KNL1: variants seen among roughly 807,000 people sequenced by gnomAD.
The protein encoded by KNL1 is outer kinetochore KNL1 complex subunit KNL1.
A neutral mutation model predicts 201.3 loss-of-function variants in KNL1; 66 were observed. The observed-to-expected ratio is 0.33, with a 90% CI of 0.27 to 0.40. The LOEUF (loss-of-function observed/expected upper bound fraction) is 0.40. Among genes scored for constraint, KNL1 ranks in the 10% least tolerant of loss-of-function variants. The pLI, the probability that KNL1 is intolerant of heterozygous loss-of-function variation, is 1.00. For missense variants in KNL1, 2,815 were observed against 2,690.5 expected, an observed-to-expected ratio of 1.05 and a Z score of -1.02; for synonymous variants, 895 against 899.2, an observed-to-expected ratio of 1.00 and a Z score of 0.08.
rs989748588 is a variant in KNL1, at chr15:40,647,348, G to A, written c.6094+274G>A. Among the ~76,000 whole-genome samples, 21 of 151,948 alleles carry A rather than the reference G, an allele frequency of 1.4e-4. 2 individuals are homozygous for A. Among genetic ancestry groups the A allele is most frequent in the East Asian group, 1.2e-3 (6 of 5,168 alleles). On this transcript the variant is annotated intron_variant, in intron 17 of 25. Transcript: ENST00000399668. ...AAATTAGCTGGGCGTGGTGACGGGC[G>A]CCTGTACTCCAGCTACTCGGGAGGC... is the stretch of plus-strand genomic sequence containing the variant.
At chr15:40,647,108 T>C in intron 17 of KNL1, 34 bp downstream of exon 17, 1 of 1,066,678 alleles carries the variant, frequency 9.4e-7, no homozygotes, top group Non-Finnish European at 1.5e-6. Flanking sequence ...CAAAAGAAAA[T>C]TTAATTTTAT....
rs1384250918 is a variant in KNL1, at chr15:40,622,697, T to C, written c.2433T>C (p.Ser811=). ...TAAAAGTTGAAAAATGTGGTAAAAG[T>C]CCCATAGAAAAAAGTGGAGTGCTTA... ...IAVKVEKCGK[S]PIEKSGVLKS... The change falls in exon 10 of 26, where the codon AGT becomes AGC. Residue 811 remains serine, a synonymous_variant. Transcript: ENST00000399668. The C allele has an allele frequency of 6.3e-7, 1 of 1,590,412 alleles. No homozygotes were observed. Among genetic ancestry groups the C allele is most frequent in the East Asian group, 2.2e-5 (1 of 44,796 alleles).
At chr15:40,628,039 T>C in intron 10 of KNL1, 31 bp from the exon 11 acceptor site, 1 of 1,507,992 alleles carries the variant, frequency 6.6e-7, no homozygotes, top group South Asian at 1.3e-5. Flanking sequence ...TATATTTTAT[T>C]CTGATGATAT....
At chr15:40,629,495 CTTTTTTTTTTTTTT>C (rs386382806) in intron 13 of KNL1, 124 bp downstream of exon 13, 5,779 of 175,020 alleles carry the variant, frequency 0.033, no homozygotes, top group South Asian at 0.059. Flanking sequence ...TTTGCCTTTT[CTTTTTTTTTTTTTT>C]TTTTTTTTTT....
chr15:40,629,163 A>C, intron 12 of KNL1, 110 bp from the exon 13 acceptor site: 1 of 570,610 alleles, frequency 1.8e-6, no homozygotes, highest in East Asian at 3.3e-5. Flanking sequence ...TCTGGATAAT[A>C]TTTCCATAAA....
At chr15:40,658,639 GA>G (rs1159157037) in intron 24 of KNL1, among the ~76,000 whole-genome samples, 2 of 147,676 alleles carry the variant, frequency 1.4e-5, no homozygotes, top group African/African-American at 5.0e-5. Context: ...AAAAGAAAAT[GA>G]AATTGGGCTG....
chr15:40,660,634 C>T (rs1893881178), intron 25 of KNL1, among the ~76,000 whole-genome samples: 1 of 124,900 alleles, frequency 8.0e-6, no homozygotes, highest in South Asian at 2.4e-4. Context: ...CACTGCACTC[C>T]AGACTGGGAG....
At chr15:40,611,343 G>A (rs1438941795) in intron 6 of KNL1, 135 bp from the exon 7 acceptor site, 2 of 168,236 alleles carry the variant, frequency 1.2e-5, no homozygotes, top group African/African-American at 2.4e-5. Context: ...TCCTGACCTC[G>A]TGGTCCACCC....
At chr15:40,611,226 A>C (rs1892149569) in intron 6 of KNL1, among the ~76,000 whole-genome samples, 1 of 151,774 alleles carries the variant, frequency 6.6e-6, no homozygotes, top group East Asian at 1.9e-4. Context: ...CTCCTACCTC[A>C]GCCTCCTGAG....
At chr15:40,600,282 C>T (rs982112993) in intron 1 of KNL1, among the ~76,000 whole-genome samples, 2 of 152,196 alleles carry the variant, frequency 1.3e-5, no homozygotes, top group Non-Finnish European at 2.9e-5. Context: ...ACCATGTTGG[C>T]CAGGCTGGTC....
At chr15:40,632,665 A>T (rs762109727) in intron 13 of KNL1, among the ~76,000 whole-genome samples, 2 of 152,202 alleles carry the variant, frequency 1.3e-5, no homozygotes. Context: ...GAAATCATAC[A>T]TCTGATAAGA....
At chr15:40,638,257 AGGGG>A (rs1595936870) in intron 13 of KNL1, among the ~76,000 whole-genome samples, 1 of 11,116 alleles carries the variant, frequency 9.0e-5, no homozygotes, top group East Asian at 2.3e-3. Flanking sequence ...GGGAGGGGGG[AGGGG>A]GAGGGGGAAG....
intron 1 of KNL1, among the ~76,000 whole-genome samples, 154 bp downstream of exon 1, chr15:40,594,546 G>A (rs911761070): frequency 2.6e-5 from 4 of 152,178 alleles, no homozygotes; most frequent in Admixed American, 6.5e-5. Flanking sequence ...GCCCCGGGCC[G>A]GGCACACTGT....
rs756423278 is a variant in KNL1 at position 40,647,097 on chromosome 15, C to T, written c.6094+23C>T. The T allele has an allele frequency of 2.2e-5, 26 of 1,197,476 alleles. No individual in the cohort carries two copies. The South Asian group carries it at 3.2e-4, about 15-fold the overall frequency. The allele number at this position is 1,197,476 out of a possible 1,614,324, so 74.2% of individuals were successfully genotyped here. ...CAGGTAAAGTATTTTAAATACTTTT[C>T]CAAAAGAAAATTTAATTTTATCTAA... On this transcript the variant is annotated intron_variant, in intron 17 of 25. Transcript: ENST00000399668.
chr15:40,636,794 C>T (rs2141741544), intron 13 of KNL1, among the ~76,000 whole-genome samples: 1 of 152,308 alleles, frequency 6.6e-6, no homozygotes, highest in South Asian at 2.1e-4. Context: ...CGCGCCACTG[C>T]ACTCCAGCCT....
intron 10 of KNL1, among the ~76,000 whole-genome samples, chr15:40,626,613 T>C (rs901140647): frequency 6.6e-6 from 1 of 152,188 alleles, no homozygotes; most frequent in Admixed American, 6.5e-5. Context: ...AGACCCTCGC[T>C]CTGTTGCCCA....
At position 40,629,315 on chromosome 15, in the gene KNL1, C is replaced by T; in HGVS notation, c.5626C>T (p.Leu1876Phe). 1.2e-6 allele frequency: 2 copies of T among 1,604,598 alleles called. No homozygotes were observed. The highest frequency in any genetic ancestry group is 1.7e-6 in the Non-Finnish European group (2 of 1,177,996). ...GRITIREFFI[L>F]LQVHILIQKP... ...AATAACAATAAGGGAGTTCTTTATA[C>T]TTCTCCAGGTCCACATCTTGATACA... The change falls in exon 13 of 26, where the codon CTT becomes TTT. Residue 1876 changes from leucine to phenylalanine, a missense_variant. By Grantham distance (22) the Leu-to-Phe change is conservative. Around this residue, in one of 3 missense-constraint regions of KNL1, gnomAD observed 2,464 missense variants for 2,291.7 expected, o/e 1.08. Transcript: ENST00000399668.
chr15:40,655,450 G>A (rs573926165), intron 22 of KNL1, among the ~76,000 whole-genome samples: 1 of 151,930 alleles, frequency 6.6e-6, no homozygotes, highest in African/African-American at 2.4e-5. Context: ...AATTAGTTGG[G>A]CGCGGTGATG....
chr15:40,651,680 A>G, intron 20 of KNL1, 108 bp downstream of exon 20: 1 of 710,934 alleles, frequency 1.4e-6, no homozygotes, highest in Non-Finnish European at 2.3e-6. Flanking sequence ...TTTTTAACCT[A>G]TACAGTGCTG....
Sources: gnomAD v4.1 joint callset for allele counts (sites outside exome capture counted in the v4.1 genomes callset) on GRCh38, gnomAD v4.1.1 for gene constraint, gnomAD v4.1.1 regional missense constraint, MANE v1.5 for transcripts, NCBI Gene and HGNC (gene_info 2026-07-23, HGNC 2026-07-21) for gene names.